The following SEPTIN11 variants were observed in gnomAD, a reference collection of about 807,000 sequenced individuals.
SEPTIN11 encodes septin 11, also known as septin-11.
In SEPTIN11, 25 loss-of-function variants were observed where a neutral mutation model predicts 51.4. The observed-to-expected ratio is 0.49, with a 90% CI of 0.35 to 0.68. SEPTIN11 has a LOEUF of 0.68. Ranked by LOEUF, SEPTIN11 falls within the 30% of genes least tolerant of loss-of-function variation. The pLI, the probability that SEPTIN11 is intolerant of heterozygous loss-of-function variation, is 0.00. For missense variants in SEPTIN11, 381 were observed against 520.8 expected (o/e 0.73, Z 2.61); for synonymous variants, 174 against 184.1 (o/e 0.95, Z 0.44).
chr4:76,958,424 C>A (rs1721656347), intron 1 of SEPTIN11, among the ~76,000 whole-genome samples: 1 of 152,174 alleles, frequency 6.6e-6, no homozygotes, highest in South Asian at 2.1e-4. Flanking sequence ...CTTAGGGTGG[C>A]CTTCCCTCTT....
chr4:76,989,122 C>G (rs1400634376), intron 1 of SEPTIN11, among the ~76,000 whole-genome samples: 1 of 152,206 alleles, frequency 6.6e-6, no homozygotes, highest in Non-Finnish European at 1.5e-5. Flanking sequence ...TTGATTAAAT[C>G]TCCTCACTTT....
chr4:76,974,528 G>A, intron 1 of SEPTIN11: 1 of 330,704 alleles, frequency 3.0e-6, no homozygotes, highest in Non-Finnish European at 6.0e-6. Context: ...AGACCCATAG[G>A]CTCAGAACTG....
rs201346017 is a variant in SEPTIN11, at chr4:77,028,564, T to C, written c.954-65T>C. On this transcript the variant is annotated intron_variant, in intron 7 of 9. Coordinates refer to ENST00000264893, the MANE Select transcript of SEPTIN11 (RefSeq NM_018243.4). ...TTTGAAAGTAGATAGGTAGAAATTATGTGAACTGAAATTTCTTAGTATACA... is the reference window on the plus strand; with the variant it reads ...TTTGAAAGTAGATAGGTAGAAATTACGTGAACTGAAATTTCTTAGTATACA... The C allele has an allele frequency of 9.4e-5, 138 of 1,464,980 alleles. 1 individual carries two copies. The highest frequency in any genetic ancestry group is 1.2e-4 in the Non-Finnish European group (135 of 1,094,292). The allele number at this position is 1,464,980 out of a possible 1,614,324, so 90.7% of individuals were successfully genotyped here.
chr4:76,991,178 A>G (rs2279714), intron 1 of SEPTIN11, among the ~76,000 whole-genome samples: 79,426 of 151,826 alleles, frequency 0.52, 21,618 homozygotes, highest in Middle Eastern at 0.62. Context: ...AGGTAAAGGA[A>G]GTCCAAGTTT....
At chr4:76,970,539 T>G (rs1362344482) in intron 1 of SEPTIN11, among the ~76,000 whole-genome samples, 1 of 152,226 alleles carries the variant, frequency 6.6e-6, no homozygotes, top group Non-Finnish European at 1.5e-5. Flanking sequence ...TATCAGTATT[T>G]AGTGGTTGAG....
chr4:76,957,065 G>A (rs541519353), intron 1 of SEPTIN11, among the ~76,000 whole-genome samples: 4 of 151,344 alleles, frequency 2.6e-5, no homozygotes, highest in Non-Finnish European at 4.4e-5. Context: ...TGAAGTCAGA[G>A]TGAATTCTCC....
intron 1 of SEPTIN11, chr4:76,972,364 G>GT (rs1722287143): frequency 6.6e-6 from 1 of 152,120 alleles, no homozygotes; most frequent in Non-Finnish European, 1.5e-5. Flanking sequence ...TTTAACTACT[G>GT]TTTTGTCTTT....
At chr4:76,962,990 C>A (rs1028865811) in intron 1 of SEPTIN11, among the ~76,000 whole-genome samples, 1 of 152,072 alleles carries the variant, frequency 6.6e-6, no homozygotes, top group East Asian at 1.9e-4. Context: ...GCTTTTTGGC[C>A]CAAGTGGTGC....
rs1727189952 is a variant in SEPTIN11, at chr4:77,038,594, A to G, written c.*4082A>G. On this transcript the variant is annotated 3_prime_UTR_variant, in exon 10 of 10. Transcript: ENST00000264893. ...GTGCCAAGACATAAAGCGGGGGAAA[A>G]TATATTTTTACCCAAACATTATTTG... 2.0e-6 allele frequency: 2 copies of G among 993,802 alleles called. No homozygotes were observed. The highest frequency in any genetic ancestry group is 1.7e-5 in the African/African-American group (1 of 57,306). 61.6% of individuals were successfully genotyped at this position (993,802 alleles called of 1,614,324 possible). A position where few individuals can be genotyped will look rare whatever the true frequency, so the allele number is the denominator to read the frequency against.
chr4:77,011,755 A>T lies in SEPTIN11; in HGVS notation c.359A>T (p.Tyr120Phe). The T allele has an allele frequency of 6.2e-7, 1 of 1,614,134 alleles. No homozygotes were observed. The highest frequency in any genetic ancestry group is 8.5e-7 in the Non-Finnish European group (1 of 1,179,980). Residue 120 changes from tyrosine (Y) to phenylalanine (F), a missense_variant, in exon 4 of 10, where the codon TAT (tyrosine) becomes TTT (phenylalanine). By Grantham distance (22) the Tyr-to-Phe change is conservative. Transcript: ENST00000264893. ...TCTAGCTATAAGCCGATAGTAGAAT[A>T]TATTGATGCCCAGTTCGAGGCCTAC... Reference protein sequence around the residue: ...KDDSYKPIVEYIDAQFEAYLQ... With the variant: ...KDDSYKPIVEFIDAQFEAYLQ...
chr4:77,039,705 T>G, downstream of SEPTIN11: 1 of 985,408 alleles, frequency 1.0e-6, no homozygotes, highest in Non-Finnish European at 1.2e-6. Flanking sequence ...TTTTTTTTCT[T>G]TGGAGTGTTC....
chr4:77,024,573 A>T lies in SEPTIN11; in HGVS notation c.953+3903A>T, dbSNP rs879037536. ...AACAGTACCTGCCCAAGCTGCTCCC[A>T]TCTCACCTCAGAACACCACCGTCTC... On this transcript the variant is annotated intron_variant, in intron 7 of 9. Transcript: ENST00000264893. This position sits in a 1 kb window ranked among gnomAD's most constrained non-coding sequence, Gnocchi z 4.2. Among the ~76,000 whole-genome samples the T allele has an allele frequency of 1.3e-5, 2 of 152,022 alleles. No individual in the cohort carries two copies. Among genetic ancestry groups the T allele is most frequent in the Admixed American group, 6.6e-5 (1 of 15,260 alleles).
intron 1 of SEPTIN11, among the ~76,000 whole-genome samples, chr4:76,961,101 T>A (rs913235203): frequency 6.6e-6 from 1 of 152,218 alleles, no homozygotes; most frequent in African/African-American, 2.4e-5. Context: ...GAGGATCTTG[T>A]CAGGCTCTTT....
chr4:76,964,425 A>C (rs1721952193), intron 1 of SEPTIN11, among the ~76,000 whole-genome samples: 1 of 151,756 alleles, frequency 6.6e-6, no homozygotes, highest in Admixed American at 6.6e-5. Context: ...CCTCTCCCCA[A>C]ATTATTTTGA....
chr4:77,022,830 C>T (rs925796802), intron 7 of SEPTIN11, among the ~76,000 whole-genome samples: 1 of 152,076 alleles, frequency 6.6e-6, no homozygotes, highest in Non-Finnish European at 1.5e-5. Flanking sequence ...GTCTATGATG[C>T]TATCCTTAGC....
chr4:76,957,213 T>G (rs1468838226), intron 1 of SEPTIN11, among the ~76,000 whole-genome samples: 1 of 152,100 alleles, frequency 6.6e-6, no homozygotes, highest in East Asian at 1.9e-4. Context: ...TCTGAGGCCA[T>G]TAGGACTTCC....
At chr4:77,015,094 A>G (rs1309025421) in intron 5 of SEPTIN11, 77 bp downstream of exon 5, 7 of 1,433,696 alleles carry the variant, frequency 4.9e-6, no homozygotes, top group Non-Finnish European at 6.7e-6. Flanking sequence ...GAGTGGCTGG[A>G]GCACTGGACT....
chr4:76,974,070 T>G (rs1722373180), intron 1 of SEPTIN11, among the ~76,000 whole-genome samples: 1 of 152,190 alleles, frequency 6.6e-6, no homozygotes, highest in Non-Finnish European at 1.5e-5. Flanking sequence ...GCTTCTGGCT[T>G]TGGATCTATG....
At chr4:76,966,387 G>C (rs1015626447) in intron 1 of SEPTIN11, among the ~76,000 whole-genome samples, 1 of 151,804 alleles carries the variant, frequency 6.6e-6, no homozygotes, top group African/African-American at 2.4e-5. Context: ...AACTGTTAAG[G>C]CTTGTAAAAT....
Sources: allele counts gnomAD v4.1 joint callset (sites outside exome capture counted in the v4.1 genomes callset), GRCh38; gene constraint gnomAD v4.1.1; non-coding constraint Gnocchi (gnomAD v3.1); transcripts MANE v1.5; gene names NCBI Gene and HGNC (gene_info 2026-07-23, HGNC 2026-07-21).